The following FAF1 variants were observed in gnomAD, a reference collection of about 807,000 sequenced individuals.
FAF1 encodes the protein FAS-associated factor 1.
In FAF1, 25 loss-of-function variants were observed where a neutral mutation model predicts 92.5. That is an observed-to-expected ratio of 0.27 (90% CI 0.20 to 0.38). The LOEUF (loss-of-function observed/expected upper bound fraction) is 0.38. Among genes scored for constraint, FAF1 ranks in the 10% least tolerant of loss-of-function variants. The pLI, the probability that FAF1 is intolerant of heterozygous loss-of-function variation, is 1.00. For missense variants in FAF1, 636 were observed against 793.3 expected (o/e 0.80, Z 2.38); for synonymous variants, 234 against 273.2 (o/e 0.86, Z 1.42).
intron 1 of FAF1, among the ~76,000 whole-genome samples, chr1:50,894,085 A>T (rs1313030027): frequency 6.6e-6 from 1 of 151,982 alleles, no homozygotes; most frequent in Admixed American, 6.6e-5. Context: ...GAACCCTTGA[A>T]GCCAGGAGTT....
intron 1 of FAF1, among the ~76,000 whole-genome samples, chr1:50,949,971 C>A (rs141166978): frequency 1.3e-5 from 2 of 152,118 alleles, no homozygotes; most frequent in African/African-American, 4.8e-5. Context: ...GGACTACAAG[C>A]ACATGCTATC....
intron 8 of FAF1, among the ~76,000 whole-genome samples, chr1:50,649,212 A>G (rs1654747336): frequency 3.3e-5 from 5 of 151,408 alleles, no homozygotes; most frequent in Admixed American, 1.3e-4. Flanking sequence ...CTGGAGTGCA[A>G]TGGCGCAATC....
intron 1 of FAF1, among the ~76,000 whole-genome samples, chr1:50,864,672 C>T (rs1178676800): frequency 4.6e-5 from 7 of 151,728 alleles, no homozygotes; most frequent in African/African-American, 1.7e-4. Context: ...TTCCTTACAC[C>T]TTATACAAAA....
chr1:50,952,130 C>G (rs929097976), intron 1 of FAF1, among the ~76,000 whole-genome samples: 1 of 152,222 alleles, frequency 6.6e-6, no homozygotes, highest in Non-Finnish European at 1.5e-5. Context: ...CCTCATCTCC[C>G]GTTTCCACAG....
At chr1:50,478,822 C>G (rs1646667731) in intron 17 of FAF1, among the ~76,000 whole-genome samples, 1 of 152,138 alleles carries the variant, frequency 6.6e-6, no homozygotes, top group Admixed American at 6.5e-5. Flanking sequence ...TTGTATAAAG[C>G]TTTATCCTTT....
At chr1:50,748,893 T>C (rs552680554) in intron 4 of FAF1, among the ~76,000 whole-genome samples, 2 of 152,322 alleles carry the variant, frequency 1.3e-5, no homozygotes, top group East Asian at 1.9e-4. Flanking sequence ...ACAAGTTCTA[T>C]GGGAACACAA....
At chr1:50,858,358 A>T (rs981811490) in intron 1 of FAF1, among the ~76,000 whole-genome samples, 18 of 151,870 alleles carry the variant, frequency 1.2e-4, no homozygotes, top group Non-Finnish European at 2.4e-4. Context: ...CATGCACTTT[A>T]TATAAAAACT....
chr1:50,807,602 G>A (rs1211425205), intron 2 of FAF1, among the ~76,000 whole-genome samples: 1 of 152,036 alleles, frequency 6.6e-6, no homozygotes, highest in East Asian at 1.9e-4. Context: ...GATTTGGGTG[G>A]GGACACAGAG....
intron 1 of FAF1, among the ~76,000 whole-genome samples, chr1:50,942,173 G>A (rs977156358): frequency 4.6e-5 from 7 of 152,166 alleles, no homozygotes; most frequent in African/African-American, 1.7e-4. Context: ...ATGAGATAAT[G>A]CAAATGAAAC....
intron 7 of FAF1, among the ~76,000 whole-genome samples, chr1:50,678,656 T>C (rs1211485534): frequency 6.6e-6 from 1 of 150,672 alleles, no homozygotes; most frequent in Non-Finnish European, 1.5e-5. Flanking sequence ...AGCAGGTGCC[T>C]GTAATCCCAG....
intron 1 of FAF1, among the ~76,000 whole-genome samples, chr1:50,925,896 T>C (rs1328673306): frequency 6.6e-6 from 1 of 152,174 alleles, no homozygotes; most frequent in Non-Finnish European, 1.5e-5. Context: ...ATATACACAA[T>C]AGAATACTAT....
chr1:50,534,776 G>T (rs997694511), intron 15 of FAF1, among the ~76,000 whole-genome samples: 3 of 152,140 alleles, frequency 2.0e-5, no homozygotes, highest in Non-Finnish European at 4.4e-5. Context: ...TACTAGGTAA[G>T]TATTGAACAC....
intron 1 of FAF1, among the ~76,000 whole-genome samples, chr1:50,959,324 G>T (rs77408134): frequency 2.6e-5 from 4 of 151,956 alleles, no homozygotes; most frequent in Admixed American, 2.0e-4. Flanking sequence ...TCATCATTCT[G>T]CTTTTTTACT....
intron 1 of FAF1, among the ~76,000 whole-genome samples, chr1:50,909,634 A>C (rs1471937353): frequency 6.6e-6 from 1 of 152,176 alleles, no homozygotes; most frequent in Non-Finnish European, 1.5e-5. Flanking sequence ...TTGAGCTTCA[A>C]TCACTGATAC....
intron 7 of FAF1, among the ~76,000 whole-genome samples, chr1:50,676,986 T>C (rs1656150635): frequency 6.6e-6 from 1 of 152,132 alleles, no homozygotes; most frequent in Non-Finnish European, 1.5e-5. Context: ...CAGCAACAAA[T>C]ACTTAGTAGT....
Position 50,788,102 on chromosome 1 carries a change from G to T in FAF1, c.265C>A (p.Pro89Thr). 5.6e-6 allele frequency: 9 copies of T among 1,614,064 alleles called. No individual in the cohort carries two copies. Among genetic ancestry groups the T allele is most frequent in the Non-Finnish European group, 7.6e-6 (9 of 1,179,932 alleles). The change falls in exon 4 of 19, where the codon CCA becomes ACA. Residue 89 changes from proline to threonine, a missense_variant. Physicochemically the swap from Pro to Thr is conservative, Grantham distance 38. Around this residue, in one of 2 missense-constraint regions of FAF1, gnomAD observed 317 missense variants for 342.4 expected, o/e 0.93. Transcript: ENST00000396153. ...TGCCTTTCTACAATCTGCCTGGATG[G>T]CATTACAGGTCGAAACGCTGAAGAA... Reference protein sequence around the residue: ...SSSSAFRPVMPSRQIVERQPR... With the variant: ...SSSSAFRPVMTSRQIVERQPR...
intron 1 of FAF1, among the ~76,000 whole-genome samples, chr1:50,955,295 G>A (rs1418139732): frequency 2.0e-5 from 3 of 152,188 alleles, no homozygotes; most frequent in Non-Finnish European, 2.9e-5. Flanking sequence ...AAAGGAGGTA[G>A]GGGGAACTTC....
At chr1:50,472,085 G>C (rs945110996) in intron 18 of FAF1, among the ~76,000 whole-genome samples, 6 of 152,000 alleles carry the variant, frequency 3.9e-5, no homozygotes, top group Non-Finnish European at 5.9e-5. Context: ...TTTCTGGGAA[G>C]GGCCTATGTT....
intron 9 of FAF1, among the ~76,000 whole-genome samples, chr1:50,592,912 T>C (rs142132591): frequency 0.011 from 1,540 of 146,366 alleles, 27 homozygotes; most frequent in African/African-American, 0.037. Flanking sequence ...TACTTCAGCC[T>C]GGGCAACAGA....
Sources: allele counts gnomAD v4.1 joint callset (sites outside exome capture counted in the v4.1 genomes callset), GRCh38; gene constraint gnomAD v4.1.1; regional missense constraint gnomAD v4.1.1; transcripts MANE v1.5; gene names NCBI Gene and HGNC (gene_info 2026-07-23, HGNC 2026-07-21).